The following PTPRM variants were observed in gnomAD, a reference collection of about 807,000 sequenced individuals.
PTPRM encodes protein tyrosine phosphatase receptor type M.
In PTPRM, 47 loss-of-function variants were observed where a neutral mutation model predicts 186.7. That is an observed-to-expected ratio of 0.25 (90% CI 0.20 to 0.32). The LOEUF (loss-of-function observed/expected upper bound fraction) is 0.32. Ranked by LOEUF, PTPRM falls within the 10% of genes least tolerant of loss-of-function variation. PTPRM has a pLI of 1.00. For synonymous variants in PTPRM, 668 were observed against 674.9 expected, an observed-to-expected ratio of 0.99 and a Z score of 0.16; for missense variants, 1,494 against 1,865.0, an observed-to-expected ratio of 0.80 and a Z score of 3.66.
chr18:8,148,095 C>CT (rs2146190484), intron 14 of PTPRM, among the ~76,000 whole-genome samples: 1 of 152,206 alleles, frequency 6.6e-6, no homozygotes, highest in Non-Finnish European at 1.5e-5. Flanking sequence ...GGATATTGGC[C>CT]TGAAATTTTC....
At chr18:7,615,995 G>C (rs1243574871) in intron 1 of PTPRM, among the ~76,000 whole-genome samples, 1 of 152,110 alleles carries the variant, frequency 6.6e-6, no homozygotes, top group African/African-American at 2.4e-5. Flanking sequence ...CACTGCTGCT[G>C]ATCTGACAGG....
At chr18:8,143,280 A>G (rs746899160) in intron 13 of PTPRM, among the ~76,000 whole-genome samples, 3 of 152,232 alleles carry the variant, frequency 2.0e-5, no homozygotes, top group Non-Finnish European at 4.4e-5. Context: ...TCAAATTTGG[A>G]TAAAGGCTTA....
At chr18:7,773,570 GTTT>G (rs10708698) in intron 1 of PTPRM, among the ~76,000 whole-genome samples, 1 of 129,094 alleles carries the variant, frequency 7.7e-6, no homozygotes, top group Admixed American at 7.8e-5. Context: ...TCTTTTCTTT[GTTT>G]TTTTTTTTTT....
chr18:7,647,892 G>C (rs2038602680), intron 1 of PTPRM, among the ~76,000 whole-genome samples: 1 of 152,184 alleles, frequency 6.6e-6, no homozygotes. Context: ...ACATGCTGCT[G>C]GTCTTTGGAC....
At chr18:8,023,831 GACACACACACACACACAC>G (rs71354587) in intron 7 of PTPRM, among the ~76,000 whole-genome samples, 5 of 110,182 alleles carry the variant, frequency 4.5e-5, no homozygotes, top group Non-Finnish European at 8.2e-5. Context: ...ATTATCAGAA[GACACACACACACACACAC>G]ACACACACAC....
At chr18:8,140,877 C>T (rs949773819) in intron 13 of PTPRM, among the ~76,000 whole-genome samples, 2 of 151,844 alleles carry the variant, frequency 1.3e-5, no homozygotes, top group Admixed American at 6.6e-5. Flanking sequence ...ATAACAAGAC[C>T]GAGGGGGAAA....
intron 1 of PTPRM, among the ~76,000 whole-genome samples, chr18:7,627,971 CA>C (rs374803087): frequency 2.4e-4 from 36 of 152,198 alleles, no homozygotes; most frequent in African/African-American, 8.7e-4. Flanking sequence ...TATTTGAAAA[CA>C]AAAAGCCACC....
At chr18:8,165,438 G>C (rs985551844) in intron 14 of PTPRM, among the ~76,000 whole-genome samples, 5 of 152,134 alleles carry the variant, frequency 3.3e-5, no homozygotes, top group African/African-American at 1.2e-4. Context: ...CCACAGAAAT[G>C]CACAAAGCTA....
intron 2 of PTPRM, among the ~76,000 whole-genome samples, chr18:7,837,653 C>T (rs1225474861): frequency 6.6e-6 from 1 of 152,136 alleles, no homozygotes; most frequent in African/African-American, 2.4e-5. Flanking sequence ...CAGGGTTTCA[C>T]CATTTAGGTG....
chr18:8,098,607 CT>C (rs199890710), intron 11 of PTPRM, among the ~76,000 whole-genome samples: 106 of 149,166 alleles, frequency 7.1e-4, no homozygotes, highest in African/African-American at 2.4e-3. Context: ...TTGAAGCAAT[CT>C]TTTTTTTTTA....
At chr18:7,643,881 T>A (rs1399816584) in intron 1 of PTPRM, among the ~76,000 whole-genome samples, 1 of 152,202 alleles carries the variant, frequency 6.6e-6, no homozygotes, top group African/African-American at 2.4e-5. Context: ...ATCTTAGTCA[T>A]TAATTTCAAA....
At chr18:7,843,274 C>T (rs1441735592) in intron 2 of PTPRM, among the ~76,000 whole-genome samples, 1 of 152,064 alleles carries the variant, frequency 6.6e-6, no homozygotes, top group Non-Finnish European at 1.5e-5. Context: ...ATTTTTCATT[C>T]AACTGGCCCT....
chr18:7,994,641 A>C (rs1302603051), intron 7 of PTPRM, among the ~76,000 whole-genome samples: 1 of 152,190 alleles, frequency 6.6e-6, no homozygotes, highest in Non-Finnish European at 1.5e-5. Context: ...ATCAGAACAC[A>C]ATGGAATAAA....
chr18:7,592,089 G>A (rs951911870), intron 1 of PTPRM, among the ~76,000 whole-genome samples: 2 of 152,094 alleles, frequency 1.3e-5, no homozygotes, highest in African/African-American at 4.8e-5. Flanking sequence ...ATTATTTATT[G>A]CATTACATAT....
chr18:7,907,039 A>G (rs763443830), intron 4 of PTPRM, among the ~76,000 whole-genome samples: 6 of 152,180 alleles, frequency 3.9e-5, no homozygotes, highest in Non-Finnish European at 8.8e-5. Context: ...ACACCTACCT[A>G]AACCACCTGG....
intron 3 of PTPRM, among the ~76,000 whole-genome samples, chr18:7,904,757 A>G (rs1739240005): frequency 6.6e-6 from 1 of 152,150 alleles, no homozygotes; most frequent in Admixed American, 6.5e-5. Context: ...ATGAAAGTTT[A>G]CATTTCTGTG....
chr18:7,608,920 C>G (rs1454995462), intron 1 of PTPRM, among the ~76,000 whole-genome samples: 1 of 152,086 alleles, frequency 6.6e-6, no homozygotes, highest in East Asian at 1.9e-4. Flanking sequence ...AGCAAGCAAC[C>G]CCAGAAACAT....
chr18:8,171,345 C>T (rs899239665), intron 14 of PTPRM, among the ~76,000 whole-genome samples: 4 of 152,162 alleles, frequency 2.6e-5, no homozygotes, highest in African/African-American at 4.8e-5. Flanking sequence ...AGGTAATTTA[C>T]GTTGCTCAGG....
chr18:7,569,948 C>A (rs2036527200), intron 1 of PTPRM, among the ~76,000 whole-genome samples: 1 of 152,092 alleles, frequency 6.6e-6, no homozygotes, highest in Non-Finnish European at 1.5e-5. Flanking sequence ...GCCTCAGAAA[C>A]GTTGAACTTT....
Sources: allele counts gnomAD v4.1 joint callset (sites outside exome capture counted in the v4.1 genomes callset), GRCh38; gene constraint gnomAD v4.1.1; transcripts MANE v1.5; gene names NCBI Gene and HGNC (gene_info 2026-07-23, HGNC 2026-07-21).